HDAC2: variants seen among roughly 807,000 people sequenced by gnomAD.
HDAC2 encodes the protein YY1-associated factor 1.
A neutral mutation model predicts 68.5 loss-of-function variants in HDAC2; 5 were observed. That is an observed-to-expected ratio of 0.07 (90% CI 0.04 to 0.15). The LOEUF is 0.15. HDAC2 is among the 10% of genes least tolerant of loss of function. The pLI is 1.00. For synonymous variants in HDAC2, 182 were observed against 191.3 expected, an observed-to-expected ratio of 0.95 and a Z score of 0.40; for missense variants, 291 against 600.8, an observed-to-expected ratio of 0.48 and a Z score of 5.39.
Position 113,945,386 on chromosome 6 carries a change from G to T in HDAC2, c.1067C>A (p.Thr356Asn). The T allele has an allele frequency of 6.8e-7, 1 of 1,478,940 alleles. No individual in the cohort carries two copies. Among genetic ancestry groups the T allele is most frequent in the Non-Finnish European group, 9.4e-7 (1 of 1,058,286 alleles). The allele number at this position is 1,478,940 out of a possible 1,614,324, so 91.6% of individuals were successfully genotyped here. Residue 356 changes from threonine to asparagine, a missense_variant, in exon 10 of 14, where the codon ACT becomes AAT. Around this residue, in one of 2 missense-constraint regions of HDAC2, gnomAD observed 154 missense variants for 472.1 expected, o/e 0.33. Coordinates refer to ENST00000519065, the MANE Select transcript of HDAC2 (RefSeq NM_001527.4). ...CTTTATCTTTTCCATATATTCTGGA[G>T]TGTTCTGGTTTGTCATGTTTGAAGG... The part of the protein sequence containing the change: ...ISPSNMTNQN[T>N]PEYMEKIKQR...
At chr6:113,956,225 C>A in intron 4 of HDAC2, 74 bp from the exon 5 acceptor site, 4 of 1,203,936 alleles carry the variant, frequency 3.3e-6, no homozygotes, top group Non-Finnish European at 3.5e-6. Context: ...AAAAACACTA[C>A]AAGTGTATGC....
At chr6:113,953,135 A>G in intron 6 of HDAC2, 142 bp downstream of exon 6, 1 of 582,846 alleles carries the variant, frequency 1.7e-6, no homozygotes. Context: ...AATTCTAGCA[A>G]ATGTTACTGC....
rs765452785 is a variant in HDAC2, at chr6:113,946,199, C to T, written c.842-51G>A. 2.7e-5 allele frequency: 40 copies of T among 1,459,780 alleles called. No homozygotes were observed. The Admixed American group carries it at 3.8e-4, about 14-fold the overall frequency. The allele number at this position is 1,459,780 out of a possible 1,614,324, so 90.4% of individuals were successfully genotyped here. A position where few individuals can be genotyped will look rare whatever the true frequency, so the allele number is the denominator to read the frequency against. ...ACAAAATCTGCATACTGCAACAGTT[C>T]GAAAAATAAATTTTAAAAAGATAAT... On this transcript the variant is annotated intron_variant, in intron 8 of 13. Transcript: ENST00000519065.
chr6:113,962,387 G>A, intron 1 of HDAC2: 2 of 907,308 alleles, frequency 2.2e-6, no homozygotes, highest in Non-Finnish European at 2.6e-6. Flanking sequence ...GAAATGGCAG[G>A]GTGAAGGCTG....
chr6:113,967,752 G>T (rs1377688685), intron 1 of HDAC2, among the ~76,000 whole-genome samples: 1 of 152,158 alleles, frequency 6.6e-6, no homozygotes, highest in East Asian at 1.9e-4. Context: ...TTTAAGTAGA[G>T]AAAAATCACA....
chr6:113,961,078 T>C lies in HDAC2; in HGVS notation c.53-1060A>G, dbSNP rs1210169904. The stretch of plus-strand genomic sequence containing the variant: ...AAGGAACTTAAACACCCATGAATTT[T>C]GCTATCTGTGGAAGTCTTGGAACTA... On this transcript the variant is annotated intron_variant, in intron 1 of 13. Coordinates refer to ENST00000519065, the MANE Select transcript of HDAC2 (RefSeq NM_001527.4). 2.6e-5 allele frequency among the ~76,000 whole-genome samples: 4 copies of C among 152,136 alleles called. No homozygotes were observed. In the East Asian group the frequency reaches 5.8e-4, roughly 22 times the overall value.
rs1776022721 is a variant in HDAC2 at position 113,937,273 on chromosome 6, C to T, written c.*3785G>A. The T allele has an allele frequency of 6.6e-6, 1 of 152,142 alleles. No homozygotes were observed. The highest frequency in any genetic ancestry group is 6.5e-5 in the Admixed American group (1 of 15,286). The allele number at this position is 152,142 out of a possible 1,614,324, so 9.4% of individuals were successfully genotyped here. On this transcript the variant is annotated 3_prime_UTR_variant, in exon 14 of 14. Coordinates refer to ENST00000519065, the MANE Select transcript of HDAC2 (RefSeq NM_001527.4). ...TATCAAAAAAACTTCAGCAGTATTA[C>T]TACATCAAAACCATAAAAAACAGAA...
chr6:113,945,539 C>A, intron 9 of HDAC2, 69 bp from the exon 10 acceptor site: 1 of 797,196 alleles, frequency 1.3e-6, no homozygotes. Flanking sequence ...TGCACAGAAT[C>A]CAGATTTAGG....
intron 1 of HDAC2, among the ~76,000 whole-genome samples, chr6:113,968,978 CA>C (rs1055089320): frequency 1.3e-5 from 2 of 152,188 alleles, no homozygotes; most frequent in Non-Finnish European, 2.9e-5. Context: ...ACCTCAGTAC[CA>C]CTTTCCCTAA....
At chr6:113,949,388 T>C in intron 6 of HDAC2, 128 bp from the exon 7 acceptor site, 1 of 641,936 alleles carries the variant, frequency 1.6e-6, no homozygotes, top group South Asian at 2.0e-5. Flanking sequence ...ATCTTAGAAG[T>C]TGAGACCGGA....
intron 3 of HDAC2, among the ~76,000 whole-genome samples, chr6:113,957,573 T>C (rs568069766): frequency 6.6e-6 from 1 of 152,056 alleles, no homozygotes; most frequent in Admixed American, 6.5e-5. Context: ...CCTCCACCTC[T>C]GGGGCTCAAG....
chr6:113,957,189 T>A (rs1201186710), intron 3 of HDAC2: 1 of 154,010 alleles, frequency 6.5e-6, no homozygotes, highest in African/African-American at 2.4e-5. Flanking sequence ...CTAATCTTGA[T>A]CTTGAAAGTT....
chr6:113,945,226 C>T (rs1776241094), intron 10 of HDAC2, 136 bp downstream of exon 10: 1 of 395,264 alleles, frequency 2.5e-6, no homozygotes, highest in Non-Finnish European at 4.5e-6. Flanking sequence ...TAATCAGTAA[C>T]TTAATGTTTC....
In HDAC2 at chr6:113,970,988, G is replaced by C; in HGVS notation, c.-80C>G. 1 of 1,573,802 alleles carries C rather than the reference G, an allele frequency of 6.4e-7. No individual in the cohort carries two copies. The highest frequency in any genetic ancestry group is 8.6e-7 in the Non-Finnish European group (1 of 1,159,552). Reference sequence around the variant, plus strand: ...GCTGCTGCCGCCGCGGCTCGGCCGGGAGAGAAAAGGGCTGAGGGAAACGTG... The same window carrying C: ...GCTGCTGCCGCCGCGGCTCGGCCGGCAGAGAAAAGGGCTGAGGGAAACGTG... On this transcript the variant is annotated 5_prime_UTR_variant, in exon 1 of 14. Transcript: ENST00000519065.
chr6:113,968,654 G>A (rs1167830983), intron 1 of HDAC2: 1 of 152,168 alleles, frequency 6.6e-6, no homozygotes, highest in Non-Finnish European at 1.5e-5. Context: ...CAAACTATCA[G>A]CTATTCACTT....
In HDAC2 at chr6:113,949,007, T is replaced by A. The variant is rs1191600971; in HGVS notation, c.813A>T (p.Arg271Ser). The change falls in exon 8 of 14, where the codon AGA becomes AGT. Residue 271 changes from arginine (R) to serine (S), a missense_variant. This residue lies in a region of HDAC2 where 154 missense variants were observed against 472.1 expected (regional missense o/e 0.33). Transcript: ENST00000519065. ...TGACTGTTAGATTGAAACAACCCAG[T>A]CTATCACCAGATAATGAGTCTGCAC... ...QCGADSLSGD[R>S]LGCFNLTVKG... 1 of 1,613,832 alleles carries A rather than the reference T, an allele frequency of 6.2e-7. No homozygotes were observed.
At position 113,956,225 on chromosome 6, in the gene HDAC2, C is replaced by T. The variant is rs1776549369; in HGVS notation, c.359-74G>A. 4 of 1,203,936 alleles carry T rather than the reference C, an allele frequency of 3.3e-6. No individual in the cohort carries two copies. The East Asian group carries it at 9.6e-5, about 29-fold the overall frequency. 74.6% of individuals were successfully genotyped at this position (1,203,936 alleles called of 1,614,324 possible). On this transcript the variant is annotated intron_variant, in intron 4 of 13. Coordinates refer to ENST00000519065, the MANE Select transcript of HDAC2 (RefSeq NM_001527.4). ...GTAGTAGAATGAGACAAAAACACTA[C>T]AAGTGTATGCCATGCATAAGCAAGA...
chr6:113,959,596 TAA>T (rs771822379), intron 2 of HDAC2: 2,383 of 122,210 alleles, frequency 0.019, 65 homozygotes, highest in African/African-American at 0.062. Context: ...ACAATTATTG[TAA>T]AAAAAAAAAA....
chr6:113,933,749 TTGTG>T lies in HDAC2; in HGVS notation c.*7305_*7308del, dbSNP rs148161574. 2.6e-5 allele frequency: 4 copies of T among 151,744 alleles called. No individual in the cohort carries two copies. Among genetic ancestry groups the T allele is most frequent in the Non-Finnish European group, 5.9e-5 (4 of 67,916 alleles). The allele number at this position is 151,744 out of a possible 1,614,324, so 9.4% of individuals were successfully genotyped here. ...GTGGCTGCTCCTTGTCTGACATTCT[TTGTG>T]TGTGTGTATGTATATTATATAATAT... On this transcript the variant is annotated 3_prime_UTR_variant, in exon 14 of 14. Transcript: ENST00000519065.
Sources: allele counts gnomAD v4.1 joint callset (sites outside exome capture counted in the v4.1 genomes callset), GRCh38; gene constraint gnomAD v4.1.1; regional missense constraint gnomAD v4.1.1; transcripts MANE v1.5; gene names NCBI Gene and HGNC (gene_info 2026-07-23, HGNC 2026-07-21).